The following MAGI2 variants were observed in gnomAD, a reference collection of about 807,000 sequenced individuals.
MAGI2 encodes membrane associated guanylate kinase, WW and PDZ domain containing 2.
In MAGI2, 35 loss-of-function variants were observed where a neutral mutation model predicts 133.3. The ratio of observed to expected loss-of-function variants is 0.26; its 90% CI spans 0.20 to 0.35. The LOEUF is 0.35. Ranked by LOEUF, MAGI2 falls within the 10% of genes least tolerant of loss-of-function variation. The pLI is 1.00. For synonymous variants in MAGI2, 729 were observed against 710.6 expected (o/e 1.03, Z -0.41); for missense variants, 1,636 against 1,863.4 (o/e 0.88, Z 2.25).
intron 2 of MAGI2, among the ~76,000 whole-genome samples, chr7:78,795,697 A>T (rs1260313104): frequency 8.5e-5 from 13 of 152,162 alleles, no homozygotes; most frequent in Non-Finnish European, 1.5e-4. Flanking sequence ...TAGGCAAAGG[A>T]ATTCTGAGCA....
At chr7:79,201,634 T>C (rs1449058193) in intron 1 of MAGI2, among the ~76,000 whole-genome samples, 1 of 152,008 alleles carries the variant, frequency 6.6e-6, no homozygotes, top group East Asian at 1.9e-4. Context: ...AGCTGCACAT[T>C]ACAAGTTCTA....
intron 21 of MAGI2, among the ~76,000 whole-genome samples, chr7:78,057,873 G>C (rs545462857): frequency 2.8e-4 from 42 of 150,572 alleles, no homozygotes; most frequent in Middle Eastern, 3.4e-3. Flanking sequence ...TGTATGCCCA[G>C]GGGTAACAAG....
chr7:78,255,966 G>C lies in MAGI2; in HGVS notation c.2024C>G (p.Thr675Ser), dbSNP rs1792925400. Residue 675 changes from threonine (T) to serine (S), a missense_variant, in exon 10 of 22, where the codon ACT (threonine) becomes AGT (serine). Thr to Ser is a moderately conservative substitution (Grantham distance 58, BLOSUM62 1). Around this residue, in one of 5 missense-constraint regions of MAGI2, gnomAD observed 920 missense variants for 1,093.5 expected, o/e 0.84. Transcript: ENST00000354212. ...ACCTCCTCGATGGATAATCAAAGAA[G>C]TTTCACTTCCAATGGGACAGTCCTT... ...ILKDCPIGSE[T>S]SLIIHRGGFF... is the part of the protein sequence containing the mutation. 3 of 1,613,666 alleles carry C rather than the reference G, an allele frequency of 1.9e-6. No individual in the cohort carries two copies. In the African/African-American group the frequency reaches 4.0e-5, roughly 22 times the overall value.
chr7:79,392,099 A>G (rs1296057174), intron 1 of MAGI2, among the ~76,000 whole-genome samples: 1 of 152,152 alleles, frequency 6.6e-6, no homozygotes, highest in East Asian at 1.9e-4. Context: ...ATGAGTAAGA[A>G]CATCTGGTGT....
intron 1 of MAGI2, among the ~76,000 whole-genome samples, chr7:79,036,410 G>A (rs1406600871): frequency 2.0e-5 from 3 of 152,102 alleles, no homozygotes; most frequent in Non-Finnish European, 4.4e-5. Flanking sequence ...ACATGACTGA[G>A]GATTAATGAT....
At chr7:78,652,527 G>A (rs1050343017) in intron 2 of MAGI2, among the ~76,000 whole-genome samples, 3 of 151,992 alleles carry the variant, frequency 2.0e-5, no homozygotes, top group African/African-American at 4.8e-5. Context: ...TGGGGAAAGG[G>A]TTTCCTATTT....
intron 2 of MAGI2, among the ~76,000 whole-genome samples, chr7:78,741,075 T>A (rs1585254620): frequency 6.6e-6 from 1 of 152,200 alleles, no homozygotes; most frequent in Non-Finnish European, 1.5e-5. Flanking sequence ...TTTTTTTCCA[T>A]CCGGGAGTTT....
At chr7:78,443,139 G>C (rs1787789562) in intron 6 of MAGI2, among the ~76,000 whole-genome samples, 1 of 152,030 alleles carries the variant, frequency 6.6e-6, no homozygotes, top group Non-Finnish European at 1.5e-5. Context: ...ACTAAGCAGA[G>C]CCATATTAAT....
In MAGI2 at chr7:78,411,971, GC is replaced by G. The variant is rs544815399; in HGVS notation, c.1046-42759del. On this transcript the variant is annotated intron_variant, in intron 6 of 21. Transcript: ENST00000354212. ...TGACGGTATAAATTTTGGTCCTAAG[GC>G]TTTGGCAATTTAAAACTGTTTTCTT... Among the ~76,000 whole-genome samples the G allele has an allele frequency of 9.2e-5, 14 of 152,066 alleles. No homozygotes were observed. In the South Asian group the frequency reaches 2.7e-3, roughly 29 times the overall value.
In MAGI2 at chr7:78,107,800, C is replaced by A. The variant is rs540806490; in HGVS notation, c.3567+17894G>T. Among the ~76,000 whole-genome samples the A allele has an allele frequency of 2.1e-4, 31 of 151,142 alleles. No individual in the cohort carries two copies. In the South Asian group the frequency reaches 6.2e-3, roughly 30 times the overall value. On this transcript the variant is annotated intron_variant, in intron 20 of 21. Transcript: ENST00000354212. ...TTAGTATATAGCTATTCATAGTAAT[C>A]TCTAATAATCCTTTATATTTCCGTG...
At chr7:78,266,795 G>T (rs1794061695) in intron 9 of MAGI2, among the ~76,000 whole-genome samples, 1 of 151,364 alleles carries the variant, frequency 6.6e-6, no homozygotes, top group Non-Finnish European at 1.5e-5. Context: ...GGCCAGGCTG[G>T]TCTCGTGACC....
At chr7:79,292,476 T>A (rs1452471797) in intron 1 of MAGI2, among the ~76,000 whole-genome samples, 1 of 150,648 alleles carries the variant, frequency 6.6e-6, no homozygotes, top group African/African-American at 2.4e-5. Flanking sequence ...AATAAAAAAA[T>A]AAAAAATTAG....
chr7:78,390,141 T>A (rs1205688960), intron 6 of MAGI2, among the ~76,000 whole-genome samples: 1 of 152,186 alleles, frequency 6.6e-6, no homozygotes, highest in East Asian at 1.9e-4. Flanking sequence ...CTGAGACAGA[T>A]CCCAAATTCC....
intron 1 of MAGI2, among the ~76,000 whole-genome samples, chr7:79,053,303 T>C (rs1482951305): frequency 6.6e-6 from 1 of 152,150 alleles, no homozygotes; most frequent in Admixed American, 6.5e-5. Context: ...TACTATTTGA[T>C]GTATTGTGAC....
chr7:79,251,551 T>C (rs1833273372), intron 1 of MAGI2, among the ~76,000 whole-genome samples: 1 of 152,076 alleles, frequency 6.6e-6, no homozygotes, highest in African/African-American at 2.4e-5. Flanking sequence ...ATTATCTTGG[T>C]TAAAAAGGCT....
Position 79,396,153 on chromosome 7 carries a change from A to G in MAGI2, c.301+56867T>C, listed in dbSNP as rs532026960. Among the ~76,000 whole-genome samples the G allele has an allele frequency of 1.5e-3, 225 of 152,132 alleles. 1 individual carries two copies. Among genetic ancestry groups the G allele is most frequent in the African/African-American group, 5.1e-3 (213 of 41,496 alleles). On this transcript the variant is annotated intron_variant, in intron 1 of 21. Coordinates refer to ENST00000354212, the MANE Select transcript of MAGI2 (RefSeq NM_012301.4). Reference sequence around the variant, plus strand: ...TATTTTTTTTTTCTTTCTTGGGCTCATAACTAGATTGCATTTGCCAGCATC... The same window carrying G: ...TATTTTTTTTTTCTTTCTTGGGCTCGTAACTAGATTGCATTTGCCAGCATC...
intron 1 of MAGI2, among the ~76,000 whole-genome samples, chr7:79,337,466 G>T (rs907896404): frequency 2.6e-5 from 4 of 152,130 alleles, no homozygotes; most frequent in Non-Finnish European, 5.9e-5. Flanking sequence ...AAAGAAAATT[G>T]CAAAGAGAAA....
chr7:78,313,994 G>A (rs563086459), intron 9 of MAGI2, among the ~76,000 whole-genome samples: 1 of 152,204 alleles, frequency 6.6e-6, no homozygotes, highest in South Asian at 2.1e-4. Flanking sequence ...ACACTAAGAT[G>A]CTGTTCACTT....
chr7:78,152,420 A>G (rs563672063), intron 16 of MAGI2, among the ~76,000 whole-genome samples: 9 of 152,194 alleles, frequency 5.9e-5, no homozygotes, highest in South Asian at 2.1e-4. Flanking sequence ...AGATATTTGT[A>G]TCAGGAGTGT....
Sources: allele counts gnomAD v4.1 joint callset (sites outside exome capture counted in the v4.1 genomes callset), GRCh38; gene constraint gnomAD v4.1.1; regional missense constraint gnomAD v4.1.1; transcripts MANE v1.5; gene names NCBI Gene and HGNC (gene_info 2026-07-23, HGNC 2026-07-21).